The following TMEM132D variants were observed in gnomAD, a reference collection of about 807,000 sequenced individuals.
TMEM132D encodes transmembrane protein 132D, also known as mature OL transmembrane protein.
In TMEM132D, 21 loss-of-function variants were observed where a neutral mutation model predicts 62.3. The observed-to-expected ratio is 0.34, with a 90% CI of 0.24 to 0.49. The LOEUF (loss-of-function observed/expected upper bound fraction) is 0.49, where lower values mean the gene tolerates loss of function less well. Among genes scored for constraint, TMEM132D ranks in the 20% least tolerant of loss-of-function variants. The pLI is 0.99. For missense variants in TMEM132D, 1,346 were observed against 1,402.8 expected, an observed-to-expected ratio of 0.96 and a Z score of 0.65; for synonymous variants, 621 against 575.6, an observed-to-expected ratio of 1.08 and a Z score of -1.13.
At chr12:129,275,021 T>A (rs1298254918) in intron 4 of TMEM132D, among the ~76,000 whole-genome samples, 2 of 152,250 alleles carry the variant, frequency 1.3e-5, no homozygotes, top group Admixed American at 1.3e-4. Flanking sequence ...GGCTCAGGCC[T>A]GTAATCCTAG....
intron 1 of TMEM132D, among the ~76,000 whole-genome samples, chr12:129,743,370 T>C (rs1424698581): frequency 2.0e-5 from 3 of 152,170 alleles, no homozygotes; most frequent in Admixed American, 6.5e-5. Context: ...GTTCGCACGA[T>C]AGTAAGTGAG....
At chr12:129,418,345 AG>A (rs1872190962) in intron 3 of TMEM132D, among the ~76,000 whole-genome samples, 1 of 152,196 alleles carries the variant, frequency 6.6e-6, no homozygotes, top group East Asian at 1.9e-4. Flanking sequence ...GATAAAAAAA[AG>A]TGACACATAT....
chr12:129,808,454 T>C (rs1872066421), intron 1 of TMEM132D, among the ~76,000 whole-genome samples: 1 of 152,118 alleles, frequency 6.6e-6, no homozygotes, highest in Non-Finnish European at 1.5e-5. Context: ...TACAGTAATA[T>C]CAGAAAAACT....
Position 129,485,984 on chromosome 12 carries a change from C to G in TMEM132D, c.1115+45075G>C, listed in dbSNP as rs544267079. Among the ~76,000 whole-genome samples, 428 of 152,358 alleles carry G rather than the reference C, an allele frequency of 2.8e-3. 2 individuals carry two copies. Among genetic ancestry groups the G allele is most frequent in the Non-Finnish European group, 2.5e-3 (170 of 68,024 alleles). On this transcript the variant is annotated intron_variant, in intron 3 of 8. Transcript: ENST00000422113. The stretch of plus-strand genomic sequence containing the variant: ...CCAGGCTTCTCCACTTCGGTGCACC[C>G]AGCCTGATGTCCAACAGCGAGAGCT...
intron 3 of TMEM132D, among the ~76,000 whole-genome samples, chr12:129,470,401 G>A (rs1874058780): frequency 1.3e-5 from 2 of 152,172 alleles, no homozygotes; most frequent in African/African-American, 4.8e-5. Context: ...GTTTATGTAA[G>A]AGAAACTCTG....
At chr12:129,541,352 A>G (rs1444995151) in intron 2 of TMEM132D, among the ~76,000 whole-genome samples, 3 of 152,192 alleles carry the variant, frequency 2.0e-5, no homozygotes, top group Non-Finnish European at 2.9e-5. Flanking sequence ...ACAACAGTCA[A>G]GGATGTTATT....
At chr12:129,413,378 G>A (rs917038298) in intron 3 of TMEM132D, among the ~76,000 whole-genome samples, 9 of 152,152 alleles carry the variant, frequency 5.9e-5, no homozygotes, top group Non-Finnish European at 8.8e-5. Context: ...CTTCTGCTAT[G>A]ATTGTGAGAC....
At chr12:129,877,499 C>T (rs758286143) in intron 1 of TMEM132D, among the ~76,000 whole-genome samples, 47 of 152,204 alleles carry the variant, frequency 3.1e-4, no homozygotes, top group Admixed American at 5.2e-4. Flanking sequence ...CACAGAGAAT[C>T]TCATTCATCT....
chr12:129,508,056 C>T (rs1244886325), intron 3 of TMEM132D, among the ~76,000 whole-genome samples: 2 of 152,018 alleles, frequency 1.3e-5, no homozygotes, highest in Non-Finnish European at 2.9e-5. Context: ...TTTATCCTAT[C>T]TTTAGGAAGA....
At chr12:129,085,105 G>A (rs941022533) in intron 5 of TMEM132D, 5 of 270,186 alleles carry the variant, frequency 1.9e-5, no homozygotes, top group Non-Finnish European at 3.4e-5. Flanking sequence ...ACCTGGTGGG[G>A]TGAGAAGCCC....
chr12:129,757,045 TACAA>T (rs1870190235), intron 1 of TMEM132D, among the ~76,000 whole-genome samples: 1 of 152,138 alleles, frequency 6.6e-6, no homozygotes, highest in Non-Finnish European at 1.5e-5. Context: ...ACTTGGGGGT[TACAA>T]ACAAACAGAA....
intron 2 of TMEM132D, among the ~76,000 whole-genome samples, chr12:129,692,744 G>T (rs945024422): frequency 3.3e-5 from 5 of 151,996 alleles, no homozygotes; most frequent in African/African-American, 1.2e-4. Context: ...AACTAACAAA[G>T]GAACAGAAAA....
intron 4 of TMEM132D, among the ~76,000 whole-genome samples, chr12:129,226,248 C>A (rs76456961): frequency 6.6e-6 from 1 of 152,310 alleles, no homozygotes; most frequent in East Asian, 1.9e-4. Flanking sequence ...TCTTGGCCGC[C>A]TTCATTCCTA....
chr12:129,452,303 C>T lies in TMEM132D; in HGVS notation c.1115+78756G>A, dbSNP rs892421662. Among the ~76,000 whole-genome samples the T allele has an allele frequency of 5.9e-5, 9 of 152,208 alleles. No homozygotes were observed. The South Asian group carries it at 8.3e-4, about 14-fold the overall frequency. On this transcript the variant is annotated intron_variant, in intron 3 of 8. Transcript: ENST00000422113. ...TGTTAATTGTGAGGACCACTATGAA[C>T]GTACTTGGGTTTGGCAAACATTTCA...
At chr12:129,555,600 G>A (rs913204185) in intron 2 of TMEM132D, among the ~76,000 whole-genome samples, 1 of 152,300 alleles carries the variant, frequency 6.6e-6, no homozygotes. Flanking sequence ...ATCATATTTT[G>A]TTGTTGGTAT....
intron 2 of TMEM132D, among the ~76,000 whole-genome samples, chr12:129,680,510 T>C (rs970228678): frequency 9.2e-5 from 14 of 152,210 alleles, no homozygotes; most frequent in Admixed American, 7.9e-4. Context: ...TTCTGAATGC[T>C]TATGATCCAT....
intron 2 of TMEM132D, among the ~76,000 whole-genome samples, chr12:129,578,575 C>T (rs1877750978): frequency 6.6e-6 from 1 of 151,800 alleles, no homozygotes; most frequent in African/African-American, 2.4e-5. Context: ...ATTTATTATG[C>T]AGTATTGGCA....
rs539328140 is a variant in TMEM132D at position 129,614,203 on chromosome 12, C to T, written c.969-82998G>A. ...GGCTCCAGAACCCATGCTCTTGAACCCTCTATCAGTGAGGACTGCACTTGT... is the reference window on the plus strand; with the variant it reads ...GGCTCCAGAACCCATGCTCTTGAACTCTCTATCAGTGAGGACTGCACTTGT... On this transcript the variant is annotated intron_variant, in intron 2 of 8. Coordinates refer to ENST00000422113, the MANE Select transcript of TMEM132D (RefSeq NM_133448.3). Among the ~76,000 whole-genome samples the T allele has an allele frequency of 6.6e-5, 10 of 152,370 alleles. 1 individual carries two copies. Among genetic ancestry groups the T allele is most frequent in the African/African-American group, 2.4e-4 (10 of 41,584 alleles).
At chr12:129,319,753 T>C (rs1461949441) in intron 4 of TMEM132D, among the ~76,000 whole-genome samples, 4 of 152,144 alleles carry the variant, frequency 2.6e-5, no homozygotes, top group Admixed American at 1.3e-4. Flanking sequence ...CCCAGAACCC[T>C]TGGTATTCCG....
Sources: allele counts gnomAD v4.1 joint callset (sites outside exome capture counted in the v4.1 genomes callset), GRCh38; gene constraint gnomAD v4.1.1; transcripts MANE v1.5; gene names NCBI Gene and HGNC (gene_info 2026-07-23, HGNC 2026-07-21).